ARHGAP23: variants seen among roughly 807,000 people sequenced by gnomAD.
ARHGAP23 encodes the protein Rho GTPase activating protein 23.
Under a neutral mutation model 136.3 loss-of-function variants are expected in ARHGAP23, and 34 were observed. The ratio of observed to expected loss-of-function variants is 0.25; its 90% CI spans 0.19 to 0.33. ARHGAP23 has a LOEUF of 0.33. ARHGAP23 is among the 10% of genes least tolerant of loss of function. The pLI, the probability that ARHGAP23 is intolerant of heterozygous loss-of-function variation, is 1.00. For synonymous variants in ARHGAP23, 832 were observed against 920.5 expected (o/e 0.90, Z 1.74); for missense variants, 1,808 against 2,139.0 (o/e 0.85, Z 3.05).
upstream of ARHGAP23, among the ~76,000 whole-genome samples, chr17:38,425,714 C>T (rs536933371): frequency 8.6e-5 from 13 of 151,984 alleles, no homozygotes; most frequent in Non-Finnish European, 1.6e-4. Context: ...GGTGCTGGGG[C>T]GGATGGCAGG....
chr17:38,491,566 C>G (rs2040280113), intron 20 of ARHGAP23, 34 bp downstream of exon 20: 1 of 1,548,782 alleles, frequency 6.5e-7, no homozygotes, highest in African/African-American at 1.4e-5. Flanking sequence ...CCCGGCAGCC[C>G]CTGGGGCCCA....
rs1333683083 is a variant in ARHGAP23, at chr17:38,469,507, T to C, written c.1805-17T>C. On this transcript the variant is annotated splice_polypyrimidine_tract_variant and intron_variant, in intron 8 of 23. Coordinates refer to ENST00000622683, the MANE Select transcript of ARHGAP23 (RefSeq NM_001199417.2). ...CTGCCCCGCTGACCCTGAGGCCCGA[T>C]GTGGGCGGCTTTGCAGGCAGCATCA... 1 of 1,546,066 alleles carries C rather than the reference T, an allele frequency of 6.5e-7. No individual in the cohort carries two copies. Among genetic ancestry groups the C allele is most frequent in the East Asian group, 2.4e-5 (1 of 40,898 alleles).
intron 17 of ARHGAP23, among the ~76,000 whole-genome samples, chr17:38,486,736 C>T (rs979976987): frequency 9.9e-5 from 15 of 152,160 alleles, no homozygotes; most frequent in African/African-American, 3.1e-4. Context: ...TATTGTCTTC[C>T]CTCTACAGAT....
intron 1 of ARHGAP23, among the ~76,000 whole-genome samples, chr17:38,434,956 C>T (rs899185253): frequency 6.6e-6 from 1 of 152,170 alleles, no homozygotes; most frequent in African/African-American, 2.4e-5. Context: ...CGCATAGAGT[C>T]TCCCTTATGC....
chr17:38,446,624 T>C (rs967107214), intron 1 of ARHGAP23, among the ~76,000 whole-genome samples: 1 of 151,548 alleles, frequency 6.6e-6, no homozygotes, highest in African/African-American at 2.4e-5. Context: ...TTTTTTTTTT[T>C]TTTTGAGACG....
chr17:38,470,373 C>G (rs554427610), intron 10 of ARHGAP23, among the ~76,000 whole-genome samples: 9 of 152,348 alleles, frequency 5.9e-5, no homozygotes, highest in Non-Finnish European at 1.2e-4. Context: ...TCATTTGTTT[C>G]CTTCACTACC....
At chr17:38,494,575 CACAA>C (rs1464887602) in intron 20 of ARHGAP23, among the ~76,000 whole-genome samples, 6 of 152,096 alleles carry the variant, frequency 3.9e-5, no homozygotes, top group African/African-American at 1.2e-4. Flanking sequence ...CACACACACA[CACAA>C]AAATCCATTA....
At chr17:38,490,032 G>A (rs535422959) in intron 17 of ARHGAP23, 70 bp from the exon 18 acceptor site, 52 of 1,450,326 alleles carry the variant, frequency 3.6e-5, no homozygotes, top group Non-Finnish European at 4.5e-5. Flanking sequence ...CCTCCCAGCA[G>A]GGCCCTTGGC....
chr17:38,460,957 G>A, intron 3 of ARHGAP23, 25 bp downstream of exon 3: 1 of 1,535,698 alleles, frequency 6.5e-7, no homozygotes, highest in South Asian at 1.2e-5. Context: ...GCGGGCGCTG[G>A]ACCTGCACGG....
Position 38,462,952 on chromosome 17 carries a change from C to T in ARHGAP23, c.349+11C>T. On this transcript the variant is annotated intron_variant, in intron 4 of 23. Coordinates refer to ENST00000622683, the MANE Select transcript of ARHGAP23 (RefSeq NM_001199417.2). ...CGGGGCTTCGCACAGGTGAGCTGGC[C>T]CAGTTACCTGGGCTCTACTTTCTAC... 1.9e-6 allele frequency: 3 copies of T among 1,543,924 alleles called. No individual in the cohort carries two copies. The highest frequency in any genetic ancestry group is 2.6e-6 in the Non-Finnish European group (3 of 1,144,802).
intron 6 of ARHGAP23, among the ~76,000 whole-genome samples, chr17:38,464,135 G>A (rs1157593407): frequency 6.6e-6 from 1 of 152,126 alleles, no homozygotes; most frequent in Non-Finnish European, 1.5e-5. Context: ...GCATCCTCCT[G>A]CCCATCTCAG....
At chr17:38,428,417 C>T (rs1179023337), upstream of ARHGAP23, 6 of 885,006 alleles carry the variant, frequency 6.8e-6, no homozygotes, top group African/African-American at 1.8e-5. Flanking sequence ...CGCCCCCGGC[C>T]CCGCCCCTCC....
chr17:38,500,479 C>A, intron 22 of ARHGAP23, 118 bp from the exon 23 acceptor site: 1 of 882,738 alleles, frequency 1.1e-6, no homozygotes, highest in Non-Finnish European at 1.8e-6. Context: ...GGGGAGATCT[C>A]ATGTTTCAGA....
At chr17:38,449,449 A>G (rs886680579) in intron 1 of ARHGAP23, among the ~76,000 whole-genome samples, 1 of 152,196 alleles carries the variant, frequency 6.6e-6, no homozygotes, top group Non-Finnish European at 1.5e-5. Context: ...CGGCTCATCA[A>G]CTTGGCCTGC....
Position 38,460,948 on chromosome 17 carries a change from C to CG in ARHGAP23, c.253+19dup, listed in dbSNP as rs2039445890. On this transcript the variant is annotated intron_variant, in intron 3 of 23. Coordinates refer to ENST00000622683, the MANE Select transcript of ARHGAP23 (RefSeq NM_001199417.2). ...CGTGGAGGAGGTAAGGGAGGACTGG[C>CG]GGGCGCTGGACCTGCACGGGACTCC... 16 of 1,535,708 alleles carry CG rather than the reference C, an allele frequency of 1.0e-5. No homozygotes were observed. The highest frequency in any genetic ancestry group is 1.4e-5 in the Non-Finnish European group (16 of 1,146,760).
chr17:38,457,294 G>T, intron 1 of ARHGAP23: 1 of 152,848 alleles, frequency 6.5e-6, no homozygotes, highest in Non-Finnish European at 1.5e-5. Context: ...AACCAGCCAG[G>T]CCTCTGGGCT....
Position 38,466,543 on chromosome 17 carries a change from CCT to C in ARHGAP23, c.861_862del (p.Leu288ValfsTer65), listed in dbSNP as rs1487484441. On this transcript the variant is annotated frameshift_variant, in exon 7 of 24. Transcript: ENST00000622683. LOFTEE classifies it high-confidence loss of function. ...CCCAGCAGACTGGAGTGCCAGCAGG[CCT>C]TGTCACACTGGCTGTCAAACCAGGT... 4.7e-6 allele frequency: 7 copies of C among 1,478,436 alleles called. No individual in the cohort carries two copies. Among genetic ancestry groups the C allele is most frequent in the Non-Finnish European group, 6.2e-6 (7 of 1,120,780 alleles). The allele number at this position is 1,478,436 out of a possible 1,614,324, so 91.6% of individuals were successfully genotyped here. A position where few individuals can be genotyped will look rare whatever the true frequency, so the allele number is the denominator to read the frequency against.
chr17:38,489,696 G>A (rs1431884986), intron 17 of ARHGAP23: 1 of 191,610 alleles, frequency 5.2e-6, no homozygotes, highest in Non-Finnish European at 1.1e-5. Flanking sequence ...CCATGGACTT[G>A]TTCTGAAGGG....
chr17:38,473,103 A>ATTTTTTTTTTTTTTT (rs59594005), intron 11 of ARHGAP23, among the ~76,000 whole-genome samples: 1 of 129,964 alleles, frequency 7.7e-6, no homozygotes, highest in Non-Finnish European at 1.6e-5. Flanking sequence ...AACCCGGCTA[A>ATTTTTTTTTTTTTTT]TTTTTTTTTT....
Sources: gnomAD v4.1 joint callset for allele counts (sites outside exome capture counted in the v4.1 genomes callset) on GRCh38, gnomAD v4.1.1 for gene constraint, MANE v1.5 for transcripts, NCBI Gene and HGNC (gene_info 2026-07-23, HGNC 2026-07-21) for gene names.